The following SCN11A variants were observed in gnomAD, a reference collection of about 807,000 sequenced individuals.
SCN11A encodes sodium channel protein type 11 subunit alpha.
In SCN11A, 122 loss-of-function variants were observed where a neutral mutation model predicts 162.2. The observed-to-expected ratio is 0.75, with a 90% CI of 0.65 to 0.87. The LOEUF (loss-of-function observed/expected upper bound fraction) is 0.87. Among genes scored for constraint, SCN11A ranks in the 40% least tolerant of loss-of-function variants. The pLI, the probability that SCN11A is intolerant of heterozygous loss-of-function variation, is 0.00. For synonymous variants in SCN11A, 758 were observed against 751.5 expected (o/e 1.01, Z -0.14); for missense variants, 2,015 against 2,181.6 (o/e 0.92, Z 1.52).
chr3:38,869,867 T>C (rs2065097477), intron 26 of SCN11A, among the ~76,000 whole-genome samples: 1 of 152,126 alleles, frequency 6.6e-6, no homozygotes, highest in Non-Finnish European at 1.5e-5. Flanking sequence ...TCCCAAATCT[T>C]ACAAACTCCA....
intron 4 of SCN11A, chr3:38,950,702 G>C (rs886786254): frequency 3.5e-6 from 1 of 288,198 alleles, no homozygotes; most frequent in Admixed American, 4.6e-5. Flanking sequence ...AGACAATAAG[G>C]CTGAGCCGGC....
chr3:38,896,995 C>A lies in SCN11A; in HGVS notation c.2253G>T (p.Met751Ile). Reference protein sequence around the residue: ...PTVSCLRHWHMGDFWHSFLVV... With the variant: ...PTVSCLRHWHIGDFWHSFLVV... ...CTAGGAAGGAGTGCCAGAAATCCCC[C>A]ATGTGCCAGTGCCGTAAACATGAGA... is the stretch of plus-strand genomic sequence containing the variant. The change falls in exon 18 of 30, where the codon ATG becomes ATT. Residue 751 changes from methionine (M) to isoleucine (I), a missense_variant. Met to Ile is a conservative substitution (Grantham distance 10). Coordinates refer to ENST00000302328, the MANE Select transcript of SCN11A (RefSeq NM_001349253.2). The A allele has an allele frequency of 6.2e-7, 1 of 1,614,118 alleles. No homozygotes were observed. Among genetic ancestry groups the A allele is most frequent in the Non-Finnish European group, 8.5e-7 (1 of 1,180,026 alleles).
At chr3:38,924,060 G>C (rs1296415683) in intron 9 of SCN11A, among the ~76,000 whole-genome samples, 1 of 152,148 alleles carries the variant, frequency 6.6e-6, no homozygotes, top group East Asian at 1.9e-4. Context: ...AATGCAGTGG[G>C]GAATCCAGAG....
chr3:39,008,160 C>T (rs1185095076), intron 2 of SCN11A, among the ~76,000 whole-genome samples: 1 of 152,148 alleles, frequency 6.6e-6, no homozygotes, highest in Non-Finnish European at 1.5e-5. Context: ...GATCAGTAAT[C>T]ACAATGGCTT....
At chr3:38,925,538 G>A (rs968673650) in intron 8 of SCN11A, 29 bp from the exon 9 acceptor site, 4 of 1,486,728 alleles carry the variant, frequency 2.7e-6, no homozygotes, top group Non-Finnish European at 3.8e-6. Flanking sequence ...GGAAGGCATG[G>A]GCTTGCTCAG....
At chr3:39,012,456 T>C (rs1168452988) in intron 2 of SCN11A, among the ~76,000 whole-genome samples, 1 of 132,324 alleles carries the variant, frequency 7.6e-6, no homozygotes, top group African/African-American at 4.2e-5. Context: ...CTTTCTCTCT[T>C]TCTTTCTTTC....
chr3:38,920,471 T>A (rs749193788), intron 10 of SCN11A, among the ~76,000 whole-genome samples: 2 of 152,074 alleles, frequency 1.3e-5, no homozygotes, highest in Non-Finnish European at 2.9e-5. Flanking sequence ...GGTGGGCAGA[T>A]CACGAGGTCA....
At chr3:38,991,731 T>C (rs532489536) in intron 2 of SCN11A, among the ~76,000 whole-genome samples, 3 of 152,220 alleles carry the variant, frequency 2.0e-5, no homozygotes, top group Non-Finnish European at 4.4e-5. Context: ...ACTGGCCTGC[T>C]TGCTTAGCTA....
Position 39,009,622 on chromosome 3 carries a change from C to T in SCN11A, c.-280+22758G>A, listed in dbSNP as rs145154171. Among the ~76,000 whole-genome samples, 244 of 145,158 alleles carry T rather than the reference C, an allele frequency of 1.7e-3. 1 individual carries two copies. Among genetic ancestry groups the T allele is most frequent in the African/African-American group, 6.2e-3 (239 of 38,780 alleles). On this transcript the variant is annotated intron_variant, in intron 2 of 29. Coordinates refer to ENST00000302328, the MANE Select transcript of SCN11A (RefSeq NM_001349253.2). ...AGTTGAACAGAAAAGGAAAACTAAG[C>T]ATAGCATACTAGATGGCTCAGCTGA...
At position 38,872,101 on chromosome 3, in the gene SCN11A, C is replaced by A. The variant is rs533544820; in HGVS notation, c.3495+92G>T. 5.9e-5 allele frequency: 48 copies of A among 814,632 alleles called. No homozygotes were observed. In the Admixed American group the frequency reaches 8.7e-4, roughly 15 times the overall value. The allele number at this position is 814,632 out of a possible 1,614,324, so 50.5% of individuals were successfully genotyped here. On this transcript the variant is annotated intron_variant, in intron 24 of 29. Coordinates refer to ENST00000302328, the MANE Select transcript of SCN11A (RefSeq NM_001349253.2). ...GGGAAGTAACCCAGGAAAAGCTTGG[C>A]AATTTAAGGAAATCTCAGCCCAAAA...
At chr3:38,958,486 A>C (rs1222647310) in intron 3 of SCN11A, among the ~76,000 whole-genome samples, 3 of 152,182 alleles carry the variant, frequency 2.0e-5, no homozygotes, top group African/African-American at 7.2e-5. Flanking sequence ...CCTTTAATAA[A>C]ATATCCTCAC....
chr3:39,022,265 T>G (rs1486942329), intron 2 of SCN11A, among the ~76,000 whole-genome samples: 1 of 152,190 alleles, frequency 6.6e-6, no homozygotes, highest in African/African-American at 2.4e-5. Context: ...GTTTCTCCTT[T>G]CATAAATATT....
chr3:38,908,106 C>A lies in SCN11A; in HGVS notation c.1316G>T (p.Gly439Val). ...GGAAGTAAGTGAACTTCTGTCAATT[C>A]CCATGGCAACCAGAGCCTTCAAATT... ...KEEKEALVAM[G>V]IDRSSLTSLE... The change falls in exon 14 of 30, where the codon GGA becomes GTA. Residue 439 changes from glycine to valine, a missense_variant. Gly to Val is a moderately radical substitution (Grantham distance 109). Coordinates refer to ENST00000302328, the MANE Select transcript of SCN11A (RefSeq NM_001349253.2). 6.2e-7 allele frequency: 1 copy of A among 1,611,984 alleles called. No homozygotes were observed.
chr3:38,861,471 C>T (rs761808863), intron 28 of SCN11A, among the ~76,000 whole-genome samples: 62 of 152,242 alleles, frequency 4.1e-4, no homozygotes, highest in Non-Finnish European at 6.5e-4. Flanking sequence ...TTGGAGGCAT[C>T]ACATTACCTG....
intron 7 of SCN11A, among the ~76,000 whole-genome samples, chr3:38,934,247 C>T (rs970896306): frequency 3.3e-5 from 5 of 152,226 alleles, no homozygotes; most frequent in African/African-American, 1.2e-4. Flanking sequence ...AAAAGAACAA[C>T]CGATACCAGC....
intron 2 of SCN11A, among the ~76,000 whole-genome samples, chr3:38,972,741 C>T (rs964756067): frequency 6.6e-6 from 1 of 151,928 alleles, no homozygotes; most frequent in Non-Finnish European, 1.5e-5. Context: ...CCTTCACTTA[C>T]TTGGGAAGAC....
intron 2 of SCN11A, among the ~76,000 whole-genome samples, chr3:39,007,997 T>C (rs1398858233): frequency 6.6e-6 from 1 of 152,148 alleles, no homozygotes; most frequent in Non-Finnish European, 1.5e-5. Flanking sequence ...GTGTCAGAAG[T>C]GAATTAAATT....
At chr3:38,853,141 G>A (rs2064810119) in intron 28 of SCN11A, among the ~76,000 whole-genome samples, 1 of 152,200 alleles carries the variant, frequency 6.6e-6, no homozygotes, top group South Asian at 2.1e-4. Context: ...GTGCATCTAT[G>A]TGTTGCAACT....
rs757151298 is a variant in SCN11A at position 38,871,589 on chromosome 3, C to T, written c.3615G>A (p.Gly1205=). The T allele has an allele frequency of 2.5e-6, 4 of 1,612,822 alleles. No individual in the cohort carries two copies. The South Asian group carries it at 3.3e-5, about 13-fold the overall frequency. ...CTGAGTCTGTTCCATTAATGCATTT[C>T]CCAAATTTTCCAGAAAAGAAGTATA... is the stretch of plus-strand genomic sequence containing the variant. ...LGVYFFSGKF[G]KCINGTDSVI... Residue 1205 remains glycine (G), a synonymous_variant, in exon 25 of 30, where the codon GGG becomes GGA. Coordinates refer to ENST00000302328, the MANE Select transcript of SCN11A (RefSeq NM_001349253.2).
Sources: allele counts gnomAD v4.1 joint callset (sites outside exome capture counted in the v4.1 genomes callset), GRCh38; gene constraint gnomAD v4.1.1; transcripts MANE v1.5; gene names NCBI Gene and HGNC (gene_info 2026-07-23, HGNC 2026-07-21).